Variants in SGCZ observed in about 807,000 individuals in gnomAD.
SGCZ encodes the protein sarcoglycan zeta, also known as zeta-sarcoglycan.
Under a neutral mutation model 41.3 loss-of-function variants are expected in SGCZ, and 40 were observed. That is an observed-to-expected ratio of 0.97 (90% CI 0.75 to 1.26). The LOEUF (loss-of-function observed/expected upper bound fraction) is 1.26, where lower values mean the gene tolerates loss of function less well. SGCZ is among the 50% of genes most tolerant of loss of function. SGCZ has a pLI of 0.00. For missense variants in SGCZ, 552 were observed against 369.8 expected, an observed-to-expected ratio of 1.49 and a Z score of -4.04; for synonymous variants, 206 against 137.5, an observed-to-expected ratio of 1.50 and a Z score of -3.49.
chr8:14,100,871 C>T (rs1390927825), intron 7 of SGCZ, among the ~76,000 whole-genome samples: 3 of 151,838 alleles, frequency 2.0e-5, no homozygotes, highest in African/African-American at 7.2e-5. Context: ...CTTATCCTTT[C>T]ATTCTTTTTC....
At chr8:14,709,114 T>G (rs1182904351) in intron 1 of SGCZ, among the ~76,000 whole-genome samples, 6 of 152,158 alleles carry the variant, frequency 3.9e-5, no homozygotes, top group Non-Finnish European at 8.8e-5. Flanking sequence ...TTCTCCTTTT[T>G]TGTGCTCTTA....
intron 5 of SGCZ, among the ~76,000 whole-genome samples, chr8:14,131,212 A>C (rs935774892): frequency 5.9e-5 from 9 of 152,158 alleles, no homozygotes; most frequent in East Asian, 5.8e-4. Context: ...CTTCAGAGGT[A>C]TCTTGATGGA....
intron 1 of SGCZ, among the ~76,000 whole-genome samples, chr8:15,029,063 A>T (rs1401269783): frequency 6.6e-6 from 1 of 152,090 alleles, no homozygotes; most frequent in African/African-American, 2.4e-5. Context: ...GATGATTGGG[A>T]GACTCAAAGA....
At position 14,761,593 on chromosome 8, in the gene SGCZ, G is replaced by A. The variant is rs144940758; in HGVS notation, c.40-206667C>T. Among the ~76,000 whole-genome samples the A allele has an allele frequency of 5.6e-3, 837 of 149,806 alleles. 12 individuals carry two copies. The highest frequency in any genetic ancestry group is 0.019 in the African/African-American group (782 of 40,630). ...GTCGCCCAGACTGGAGTGCAGCAGC[G>A]TGGCTCACTGCCACCTCCTCCTCTT... On this transcript the variant is annotated intron_variant, in intron 1 of 7. Transcript: ENST00000382080.
chr8:15,193,204 C>T (rs946450307), intron 1 of SGCZ, among the ~76,000 whole-genome samples: 3 of 152,058 alleles, frequency 2.0e-5, no homozygotes, highest in East Asian at 1.9e-4. Flanking sequence ...TTCAATGTGA[C>T]GATGATAATA....
chr8:14,586,742 C>T (rs1805071539), intron 1 of SGCZ, among the ~76,000 whole-genome samples: 1 of 152,156 alleles, frequency 6.6e-6, no homozygotes, highest in South Asian at 2.1e-4. Flanking sequence ...TTGTATATCA[C>T]TTTCTTTTAT....
intron 2 of SGCZ, among the ~76,000 whole-genome samples, chr8:14,359,052 C>A (rs1459206899): frequency 6.6e-6 from 1 of 151,954 alleles, no homozygotes; most frequent in Admixed American, 6.6e-5. Context: ...TCCTTAAAAA[C>A]AATTCTTTGT....
At chr8:14,503,532 G>C (rs1391400293) in intron 2 of SGCZ, among the ~76,000 whole-genome samples, 3 of 152,256 alleles carry the variant, frequency 2.0e-5, no homozygotes, top group South Asian at 4.1e-4. Flanking sequence ...CACTTTAGGA[G>C]GTTGAGGCAG....
At chr8:15,135,946 A>C (rs1234808980) in intron 1 of SGCZ, among the ~76,000 whole-genome samples, 1 of 152,186 alleles carries the variant, frequency 6.6e-6, no homozygotes, top group Non-Finnish European at 1.5e-5. Flanking sequence ...ATTATATGCA[A>C]ATTAAGGAGA....
chr8:15,029,334 T>G (rs1184693023), intron 1 of SGCZ, among the ~76,000 whole-genome samples: 2 of 152,128 alleles, frequency 1.3e-5, no homozygotes, highest in East Asian at 1.9e-4. Flanking sequence ...GTGCATGTAT[T>G]TAGAATGATA....
intron 1 of SGCZ, among the ~76,000 whole-genome samples, chr8:15,050,221 T>C (rs1045099007): frequency 1.3e-5 from 2 of 152,188 alleles, no homozygotes; most frequent in African/African-American, 4.8e-5. Context: ...GTACCATATG[T>C]AGGCATGAGA....
intron 3 of SGCZ, among the ~76,000 whole-genome samples, chr8:14,245,391 T>A (rs1799049066): frequency 6.6e-6 from 1 of 152,128 alleles, no homozygotes; most frequent in South Asian, 2.1e-4. Context: ...TGGCTAGCCA[T>A]ATGTAGAAAG....
At chr8:14,495,960 G>A (rs886984736) in intron 2 of SGCZ, among the ~76,000 whole-genome samples, 26 of 152,126 alleles carry the variant, frequency 1.7e-4, no homozygotes, top group Non-Finnish European at 2.2e-4. Context: ...AGCCTGAAAT[G>A]TACAGAGAAA....
intron 2 of SGCZ, among the ~76,000 whole-genome samples, chr8:14,418,476 C>T (rs1252651395): frequency 1.3e-5 from 2 of 151,880 alleles, no homozygotes; most frequent in African/African-American, 4.8e-5. Flanking sequence ...GAAGATTACA[C>T]ATTTCTGAAA....
At chr8:14,606,044 T>TAA (rs1375574098) in intron 1 of SGCZ, among the ~76,000 whole-genome samples, 3 of 152,154 alleles carry the variant, frequency 2.0e-5, no homozygotes, top group Non-Finnish European at 4.4e-5. Context: ...AATTTATCTA[T>TAA]AAGTCTTGCC....
chr8:15,054,467 T>C (rs1245924304), intron 1 of SGCZ, among the ~76,000 whole-genome samples: 1 of 147,788 alleles, frequency 6.8e-6, no homozygotes, highest in East Asian at 2.1e-4. Flanking sequence ...CCTGGAGTGC[T>C]GCAATGAGAA....
chr8:14,271,368 T>C (rs1800052875), intron 3 of SGCZ, among the ~76,000 whole-genome samples: 2 of 152,206 alleles, frequency 1.3e-5, no homozygotes, highest in African/African-American at 4.8e-5. Flanking sequence ...TTCATATGAA[T>C]TGTTAAATGT....
intron 2 of SGCZ, among the ~76,000 whole-genome samples, chr8:14,372,512 A>T (rs1803951607): frequency 6.6e-6 from 1 of 152,160 alleles, no homozygotes; most frequent in African/African-American, 2.4e-5. Context: ...ATTATATAGT[A>T]TATGGGCTGG....
chr8:15,189,286 C>G (rs1219609847), intron 1 of SGCZ, among the ~76,000 whole-genome samples: 2 of 152,168 alleles, frequency 1.3e-5, no homozygotes, highest in Non-Finnish European at 2.9e-5. Flanking sequence ...AAGGTCTACA[C>G]AATGACCTGT....
Sources: allele counts gnomAD v4.1 joint callset (sites outside exome capture counted in the v4.1 genomes callset), GRCh38; gene constraint gnomAD v4.1.1; transcripts MANE v1.5; gene names NCBI Gene and HGNC (gene_info 2026-07-23, HGNC 2026-07-21).